GTF3C5: variants seen among roughly 807,000 people sequenced by gnomAD.
The protein encoded by GTF3C5 is general transcription factor 3C polypeptide 5.
GTF3C5 carries 47 observed loss-of-function variants against 61.0 expected under a neutral mutation model. The ratio of observed to expected loss-of-function variants is 0.77; its 90% confidence interval spans 0.61 to 0.98. The LOEUF is 0.98. GTF3C5 is among the 50% of genes least tolerant of loss of function. GTF3C5 has a pLI of 0.00. For missense variants in GTF3C5, 659 were observed against 703.3 expected (o/e 0.94, Z 0.71); for synonymous variants, 295 against 275.4 (o/e 1.07, Z -0.71).
intron 3 of GTF3C5, 55 bp downstream of exon 3, chr9:133,043,981 G>A (rs1010447960): frequency 1.4e-5 from 19 of 1,332,470 alleles, no homozygotes; most frequent in African/African-American, 2.9e-5. Context: ...GGGATGGTCC[G>A]GGCACGGAGG....
chr9:133,054,774 G>T lies in GTF3C5; in HGVS notation c.1132G>T (p.Ala378Ser). Residue 378 changes from alanine to serine, a missense_variant, in exon 8 of 11, where the codon GCT (alanine) becomes TCT (serine). Transcript: ENST00000372097. Reference sequence around the variant, plus strand: ...CCTGGGCCCGTCGGGGACGAGTGGTGCTCGGAAACCAGCTTCCAGCAAGTA... The same window carrying T: ...CCTGGGCCCGTCGGGGACGAGTGGTTCTCGGAAACCAGCTTCCAGCAAGTA... ...QGLGPSGTSGARKPASSKYKL... is the reference protein window; with the variant it reads ...QGLGPSGTSGSRKPASSKYKL... The T allele has an allele frequency of 6.3e-7, 1 of 1,583,456 alleles. No homozygotes were observed. The highest frequency in any genetic ancestry group is 8.6e-7 in the Non-Finnish European group (1 of 1,165,250).
At position 133,054,390 on chromosome 9, in the gene GTF3C5, G is replaced by C; in HGVS notation, c.989-18G>C. 1 of 1,608,558 alleles carries C rather than the reference G, an allele frequency of 6.2e-7. No homozygotes were observed. Among genetic ancestry groups the C allele is most frequent in the Non-Finnish European group, 8.5e-7 (1 of 1,175,188 alleles). On this transcript the variant is annotated intron_variant, in intron 6 of 10. Coordinates refer to ENST00000372097, the MANE Select transcript of GTF3C5 (RefSeq NM_012087.4). ...GGCCCTGTGCCCGCCCACCTGACTT[G>C]CCCGCCCTCGCCTACAGGTTACGCC...
intron 8 of GTF3C5, chr9:133,055,184 T>A (rs1829895350): frequency 6.5e-7 from 1 of 1,535,608 alleles, no homozygotes. Flanking sequence ...CCATGTGGGC[T>A]GCAGCTGTGG....
chr9:133,055,548 C>T (rs1182162948), intron 8 of GTF3C5: 20 of 985,314 alleles, frequency 2.0e-5, no homozygotes, highest in Non-Finnish European at 1.8e-5. Flanking sequence ...TACTCTAGAA[C>T]TACATGGCTG....
At position 133,054,518 on chromosome 9, in the gene GTF3C5, A is replaced by C. The variant is rs1354281409; in HGVS notation, c.1069+30A>C. Reference sequence around the variant, plus strand: ...GCGTGCCAGGCGCCTTTTGTGGGTCATGAGTGATTTGCCAAGGAAGGCGGG... The same window carrying C: ...GCGTGCCAGGCGCCTTTTGTGGGTCCTGAGTGATTTGCCAAGGAAGGCGGG... On this transcript the variant is annotated intron_variant, in intron 7 of 10. Transcript: ENST00000372097. 2.5e-6 allele frequency: 4 copies of C among 1,603,052 alleles called. No individual in the cohort carries two copies. In the African/African-American group the frequency reaches 5.4e-5, roughly 21 times the overall value.
chr9:133,043,622 A>G, intron 2 of GTF3C5, 106 bp from the exon 3 acceptor site: 1 of 877,250 alleles, frequency 1.1e-6, no homozygotes, highest in Non-Finnish European at 1.9e-6. Flanking sequence ...TGCAGCCTCC[A>G]CCACATGGCC....
At chr9:133,034,595 A>G (rs1849814593) in intron 1 of GTF3C5, among the ~76,000 whole-genome samples, 1 of 152,134 alleles carries the variant, frequency 6.6e-6, no homozygotes, top group African/African-American at 2.4e-5. Flanking sequence ...CCTGGCGTGT[A>G]GTGTGCCCAT....
intron 1 of GTF3C5, among the ~76,000 whole-genome samples, chr9:133,038,140 G>A (rs987984663): frequency 6.6e-6 from 1 of 152,172 alleles, no homozygotes; most frequent in Non-Finnish European, 1.5e-5. Context: ...GGGCAAGGAG[G>A]CGCAAAGAAC....
In GTF3C5 at chr9:133,031,142, G is replaced by A. The variant is rs751870542; in HGVS notation, c.131G>A (p.Gly44Asp). ...GTGGCTAAGATGCTGCCGACTCTGG[G>A]CGGCGAGGAAGGCGTCTCCCGGGTA... The part of the protein sequence containing the change: ...RDVAKMLPTL[G>D]GEEGVSRIYA... The change falls in exon 1 of 11, where the codon GGC (glycine) becomes GAC (aspartate). Residue 44 changes from glycine (G) to aspartate (D), a missense_variant. Coordinates refer to ENST00000372097, the MANE Select transcript of GTF3C5 (RefSeq NM_012087.4). The A allele has an allele frequency of 6.3e-7, 1 of 1,588,422 alleles. No individual in the cohort carries two copies. The highest frequency in any genetic ancestry group is 1.8e-5 in the Admixed American group (1 of 56,902).
chr9:133,043,917 C>T lies in GTF3C5; in HGVS notation c.563C>T (p.Thr188Ile). 6.2e-7 allele frequency: 1 copy of T among 1,613,258 alleles called. No homozygotes were observed. Among genetic ancestry groups the T allele is most frequent in the Non-Finnish European group, 8.5e-7 (1 of 1,179,262 alleles). The change falls in exon 3 of 11, where the codon ACC becomes ATC. Residue 188 changes from threonine (T) to isoleucine (I), a missense_variant. Transcript: ENST00000372097. ...GTGGACTACTTCTACCGACCAGAGA[C>T]CCAGCACCGGTAAGGCCCCCCTCCA... is the stretch of plus-strand genomic sequence containing the variant. ...APVDYFYRPE[T>I]QHREGYNNPP...
intron 2 of GTF3C5, 149 bp downstream of exon 2, chr9:133,042,455 C>T: frequency 1.6e-6 from 1 of 622,426 alleles, no homozygotes; most frequent in South Asian, 1.9e-5. Flanking sequence ...AGGCCCCATC[C>T]AGGAGGCAGC....
At position 133,057,972 on chromosome 9, in the gene GTF3C5, T is replaced by G; in HGVS notation, c.1552T>G (p.Tyr518Asp). Residue 518 changes from tyrosine (Y) to aspartate (D), a missense_variant, in exon 11 of 11, where the codon TAC (tyrosine) becomes GAC (aspartate). Coordinates refer to ENST00000372097, the MANE Select transcript of GTF3C5 (RefSeq NM_012087.4). ...CGAAATGGAGACAGAGATTCTGGACTACGTGTGACAGGGCCCAAGGCTGGG... is the reference window on the plus strand; with the variant it reads ...CGAAATGGAGACAGAGATTCTGGACGACGTGTGACAGGGCCCAAGGCTGGG... Reference protein sequence around the residue: ...ENEMETEILDYV With the variant: ...ENEMETEILDDV The G allele has an allele frequency of 6.2e-7, 1 of 1,613,898 alleles. No individual in the cohort carries two copies. The highest frequency in any genetic ancestry group is 8.5e-7 in the Non-Finnish European group (1 of 1,179,998).
chr9:133,044,906 C>A (rs1316865503), intron 3 of GTF3C5, among the ~76,000 whole-genome samples: 1 of 150,074 alleles, frequency 6.7e-6, no homozygotes, highest in Non-Finnish European at 1.5e-5. Context: ...CCACCCCCTG[C>A]CACCCACACA....
Position 133,042,230 on chromosome 9 carries a change from GGGCACTGA to G in GTF3C5, c.301_308del (p.Thr101ProfsTer7). On this transcript the variant is annotated frameshift_variant, in exon 2 of 11. Transcript: ENST00000372097. LOFTEE classifies it high-confidence loss of function. The stretch of plus-strand genomic sequence containing the variant: ...GAACGAGGCGGCAGAAAGGGGTGCT[GGGCACTGA>G]GGCCCACTCCGAGGTCACATTTGAC... The G allele has an allele frequency of 6.2e-7, 1 of 1,613,826 alleles. No individual in the cohort carries two copies. The highest frequency in any genetic ancestry group is 8.5e-7 in the Non-Finnish European group (1 of 1,179,674).
intron 3 of GTF3C5, among the ~76,000 whole-genome samples, chr9:133,045,973 T>C (rs930634773): frequency 1.3e-5 from 2 of 152,104 alleles, no homozygotes; most frequent in Non-Finnish European, 2.9e-5. Context: ...GAGGTGATGG[T>C]GTTTGTTGAA....
At chr9:133,048,252 C>T (rs1174413408) in intron 3 of GTF3C5, among the ~76,000 whole-genome samples, 1 of 152,330 alleles carries the variant, frequency 6.6e-6, no homozygotes, top group East Asian at 1.9e-4. Flanking sequence ...AATCCCAGCA[C>T]TTTGGGAGGC....
intron 6 of GTF3C5, 76 bp downstream of exon 6, chr9:133,054,018 T>C: frequency 1.1e-6 from 1 of 943,996 alleles, no homozygotes; most frequent in Non-Finnish European, 1.7e-6. Flanking sequence ...TCTTTTGTAG[T>C]AAGAATCTTT....
In GTF3C5 at chr9:133,057,956, GAC is replaced by G; in HGVS notation, c.1538_1539del (p.Thr513ArgfsTer16). ...PSDGSENEME[T>X]EILDYV ...CCGACGGCAGTGAAAACGAAATGGA[GAC>G]AGAGATTCTGGACTACGTGTGACAG... On this transcript the variant is annotated frameshift_variant, in exon 11 of 11. Coordinates refer to ENST00000372097, the MANE Select transcript of GTF3C5 (RefSeq NM_012087.4). LOFTEE classifies it high-confidence loss of function. 1 of 1,613,980 alleles carries G rather than the reference GAC, an allele frequency of 6.2e-7. No homozygotes were observed. Among genetic ancestry groups the G allele is most frequent in the Non-Finnish European group, 8.5e-7 (1 of 1,180,018 alleles).
intron 2 of GTF3C5, 86 bp from the exon 3 acceptor site, chr9:133,043,642 C>T (rs1427748031): frequency 9.2e-7 from 1 of 1,084,894 alleles, no homozygotes; most frequent in African/African-American, 1.5e-5. Flanking sequence ...CCACTCAGCA[C>T]CTCCCTAAGC....
Sources: allele counts gnomAD v4.1 joint callset (sites outside exome capture counted in the v4.1 genomes callset), GRCh38; gene constraint gnomAD v4.1.1; transcripts MANE v1.5; gene names NCBI Gene and HGNC (gene_info 2026-07-23, HGNC 2026-07-21).